The following RREB1 variants were observed in gnomAD, a reference collection of about 807,000 sequenced individuals.
The protein encoded by RREB1 is ras-responsive element-binding protein 1.
RREB1 carries 27 observed loss-of-function variants against 117.8 expected under a neutral mutation model. That is an observed-to-expected ratio of 0.23 (90% CI 0.17 to 0.32). The LOEUF is 0.32. Ranked by LOEUF, RREB1 falls within the 10% of genes least tolerant of loss-of-function variation. The pLI, the probability that RREB1 is intolerant of heterozygous loss-of-function variation, is 1.00. For synonymous variants in RREB1, 1,298 were observed against 1,026.7 expected (o/e 1.26, Z -5.05); for missense variants, 2,577 against 2,378.2 (o/e 1.08, Z -1.74).
intron 6 of RREB1, among the ~76,000 whole-genome samples, chr6:7,209,597 C>T (rs1230961013): frequency 4.2e-5 from 6 of 143,628 alleles, no homozygotes; most frequent in Admixed American, 2.1e-4. Flanking sequence ...TTTTTGAGAC[C>T]GGTTCTCAGT....
At chr6:7,147,328 A>C (rs1306211166) in intron 1 of RREB1, among the ~76,000 whole-genome samples, 2 of 152,196 alleles carry the variant, frequency 1.3e-5, no homozygotes, top group Non-Finnish European at 2.9e-5. Context: ...TTCAGCTTGG[A>C]GTGCGCAGCA....
At chr6:7,224,260 T>C (rs1268262748) in intron 8 of RREB1, among the ~76,000 whole-genome samples, 1 of 152,242 alleles carries the variant, frequency 6.6e-6, no homozygotes. Flanking sequence ...CCAGATATCC[T>C]ATGTTTTATT....
intron 1 of RREB1, among the ~76,000 whole-genome samples, chr6:7,110,030 A>C (rs994076124): frequency 3.3e-5 from 5 of 152,218 alleles, no homozygotes; most frequent in African/African-American, 1.2e-4. Context: ...TGCTGGAAAT[A>C]GCGAGGAATT....
intron 1 of RREB1, among the ~76,000 whole-genome samples, chr6:7,114,433 T>C (rs1189573371): frequency 6.9e-6 from 1 of 145,660 alleles, no homozygotes; most frequent in Non-Finnish European, 1.5e-5. Flanking sequence ...AGGGGACTTT[T>C]GGCACTGTCT....
intron 1 of RREB1, among the ~76,000 whole-genome samples, chr6:7,114,468 T>TGGG (rs35413838): frequency 2.3e-4 from 30 of 130,790 alleles, no homozygotes; most frequent in South Asian, 5.6e-4. Flanking sequence ...GTGTTTCTGG[T>TGGG]GGGGGGGGGG....
chr6:7,203,334 G>A (rs534283319), intron 6 of RREB1, among the ~76,000 whole-genome samples: 2 of 152,326 alleles, frequency 1.3e-5, no homozygotes, highest in African/African-American at 4.8e-5. Flanking sequence ...TCTAGCCTGG[G>A]TGGTGCAGCA....
At chr6:7,199,253 C>T (rs1487623586) in intron 6 of RREB1, among the ~76,000 whole-genome samples, 2 of 152,110 alleles carry the variant, frequency 1.3e-5, no homozygotes, top group South Asian at 2.1e-4. Flanking sequence ...GTGGGGGTAA[C>T]GTTTACTCAC....
chr6:7,138,959 TACTC>T (rs1016921369), intron 1 of RREB1, among the ~76,000 whole-genome samples: 2 of 152,216 alleles, frequency 1.3e-5, no homozygotes, highest in African/African-American at 4.8e-5. Flanking sequence ...CTCTAAACCT[TACTC>T]ACTTTTGTGT....
rs1451586381 is a variant in RREB1, at chr6:7,230,822, C to G, written c.2723C>G (p.Ala908Gly). 6.2e-7 allele frequency: 1 copy of G among 1,614,236 alleles called. No individual in the cohort carries two copies. Among genetic ancestry groups the G allele is most frequent in the Middle Eastern group, 1.6e-4 (1 of 6,062 alleles). The change falls in exon 10 of 13, where the codon GCC becomes GGC. Residue 908 changes from alanine to glycine, a missense_variant. Physicochemically the swap from Ala to Gly is moderately conservative, Grantham distance 60. Coordinates refer to ENST00000379938, the MANE Select transcript of RREB1 (RefSeq NM_001003699.4). ...CTGGACTTCTCGCAGAAGGGCCTGG[C>G]CCTGGTCCAAGTGAAGCAGGAAAAC... ...EPLDFSQKGL[A>G]LVQVKQENIS...
intron 8 of RREB1, among the ~76,000 whole-genome samples, chr6:7,225,296 C>T (rs979411644): frequency 6.6e-6 from 1 of 152,262 alleles, no homozygotes; most frequent in Admixed American, 6.5e-5. Context: ...ATCCTGTGAT[C>T]TTGGAAACAT....
intron 1 of RREB1, among the ~76,000 whole-genome samples, chr6:7,171,469 G>T (rs548666346): frequency 5.7e-4 from 87 of 152,256 alleles, no homozygotes; most frequent in Non-Finnish European, 1.1e-3. Context: ...GCCAGGAGTC[G>T]CACACTTTTC....
At chr6:7,189,444 C>T (rs914708996) in intron 6 of RREB1, 122 bp downstream of exon 6, 9 of 952,508 alleles carry the variant, frequency 9.4e-6, no homozygotes, top group African/African-American at 1.7e-5. Flanking sequence ...GAGCTCTGTC[C>T]ATTGTATGGA....
chr6:7,209,572 CTTTTTT>C (rs397961662), intron 6 of RREB1, among the ~76,000 whole-genome samples: 1 of 129,332 alleles, frequency 7.7e-6, no homozygotes, highest in Admixed American at 7.7e-5. Context: ...TATTTCTTTC[CTTTTTT>C]TTTTTTTTTT....
intron 1 of RREB1, among the ~76,000 whole-genome samples, chr6:7,153,752 A>C (rs1212817191): frequency 1.3e-5 from 2 of 152,236 alleles, no homozygotes; most frequent in Admixed American, 1.3e-4. Context: ...ATGTTGAAGT[A>C]TCAAACAAAG....
At chr6:7,228,495 C>CTTTTTTTTTTT (rs568193582) in intron 9 of RREB1, among the ~76,000 whole-genome samples, 1 of 91,232 alleles carries the variant, frequency 1.1e-5, no homozygotes, top group Non-Finnish European at 2.1e-5. Context: ...AGAAGGTCAA[C>CTTTTTTTTTTT]TTTTTTTTTT....
chr6:7,136,642 C>A (rs1762359005), intron 1 of RREB1, among the ~76,000 whole-genome samples: 1 of 152,188 alleles, frequency 6.6e-6, no homozygotes, highest in Non-Finnish European at 1.5e-5. Context: ...GAAAAGTTTT[C>A]TCTTGAACCT....
At chr6:7,211,887 G>T (rs1252454516) in intron 8 of RREB1, 178 bp downstream of exon 8, 2 of 643,802 alleles carry the variant, frequency 3.1e-6, no homozygotes, top group African/African-American at 1.8e-5. Flanking sequence ...GTTGTCAGAG[G>T]GTGGCTGTAT....
At chr6:7,224,381 C>T (rs1276697150) in intron 8 of RREB1, among the ~76,000 whole-genome samples, 1 of 152,136 alleles carries the variant, frequency 6.6e-6, no homozygotes, top group East Asian at 1.9e-4. Flanking sequence ...TCAAATATCT[C>T]TGATCAGAGT....
chr6:7,125,590 G>A (rs1761870902), intron 1 of RREB1, among the ~76,000 whole-genome samples: 1 of 152,186 alleles, frequency 6.6e-6, no homozygotes, highest in South Asian at 2.1e-4. Context: ...ATTTAGTTTT[G>A]CATTGGGTAG....
Sources: gnomAD v4.1 joint callset for allele counts (sites outside exome capture counted in the v4.1 genomes callset) on GRCh38, gnomAD v4.1.1 for gene constraint, MANE v1.5 for transcripts, NCBI Gene and HGNC (gene_info 2026-07-23, HGNC 2026-07-21) for gene names.